SUMF1: variants seen among roughly 807,000 people sequenced by gnomAD.
SUMF1 encodes the protein sulfatase modifying factor 1.
In SUMF1, 48 loss-of-function variants were observed where a neutral mutation model predicts 47.6. The observed-to-expected ratio is 1.01, with a 90% CI of 0.80 to 1.28. SUMF1 has a LOEUF of 1.28. SUMF1 is among the 50% of genes most tolerant of loss of function. The pLI, the probability that SUMF1 is intolerant of heterozygous loss-of-function variation, is 0.00. For synonymous variants in SUMF1, 230 were observed against 192.1 expected, an observed-to-expected ratio of 1.20 and a Z score of -1.63; for missense variants, 571 against 485.4, an observed-to-expected ratio of 1.18 and a Z score of -1.66.
chr3:4,236,401 G>A (rs533273247), intron 8 of SUMF1, among the ~76,000 whole-genome samples: 1 of 152,150 alleles, frequency 6.6e-6, no homozygotes, highest in South Asian at 2.1e-4. Context: ...AATGGTCAAA[G>A]ATAAATGCTT....
At chr3:4,414,792 G>C (rs1239997976) in intron 6 of SUMF1, 1 of 152,186 alleles carries the variant, frequency 6.6e-6, no homozygotes, top group Non-Finnish European at 1.5e-5. Context: ...TTTTAGAAGA[G>C]TAAATGGCTC....
intron 8 of SUMF1, among the ~76,000 whole-genome samples, chr3:4,298,046 AT>A (rs555232406): frequency 6.2e-4 from 95 of 152,246 alleles, no homozygotes; most frequent in Non-Finnish European, 1.2e-3. Flanking sequence ...TTTTCTTTTT[AT>A]TTTTTTATTA....
At chr3:4,424,249 A>ACACAC (rs1246958352) in intron 3 of SUMF1, among the ~76,000 whole-genome samples, 3 of 152,114 alleles carry the variant, frequency 2.0e-5, no homozygotes, top group Non-Finnish European at 4.4e-5. Context: ...CCTCTGCTAT[A>ACACAC]CACACACCTA....
At chr3:4,418,175 A>T (rs1487164890) in intron 4 of SUMF1, 43 bp from the exon 5 acceptor site, 1 of 1,613,216 alleles carries the variant, frequency 6.2e-7, no homozygotes, top group Non-Finnish European at 8.5e-7. Flanking sequence ...CACCAATCAG[A>T]ACAAGAAGCA....
rs558896151 is a variant in SUMF1 at position 4,166,748 on chromosome 3, G to C, written c.1015-98003C>G. ...TTTAAGAGTTCCACTTATGGCTGCA[G>C]GGCCAACCAACTTTTTTTCGGGACC... On this transcript the variant is annotated intron_variant and NMD_transcript_variant, in intron 8 of 12. Transcript: ENST00000448413. Among the ~76,000 whole-genome samples, 12 of 152,242 alleles carry C rather than the reference G, an allele frequency of 7.9e-5. No homozygotes were observed. The South Asian group carries it at 2.5e-3, about 32-fold the overall frequency.
intron 3 of SUMF1, among the ~76,000 whole-genome samples, chr3:4,429,440 C>T (rs1056544834): frequency 1.3e-5 from 2 of 152,108 alleles, no homozygotes; most frequent in Admixed American, 1.3e-4. Context: ...TTTTTTCACG[C>T]CTTACAAGCT....
At chr3:4,081,510 T>A (rs1692559047) in intron 8 of SUMF1, among the ~76,000 whole-genome samples, 1 of 152,152 alleles carries the variant, frequency 6.6e-6, no homozygotes, top group Admixed American at 6.5e-5. Flanking sequence ...ATAAGCTGAT[T>A]GTCAGTTATT....
chr3:4,208,415 C>T (rs1192209144), intron 8 of SUMF1, among the ~76,000 whole-genome samples: 1 of 150,816 alleles, frequency 6.6e-6, no homozygotes, highest in Non-Finnish European at 1.5e-5. Flanking sequence ...GTTCCAGTTA[C>T]CCAGTATATC....
At chr3:4,405,214 T>C (rs1701337543) in intron 7 of SUMF1, among the ~76,000 whole-genome samples, 1 of 152,138 alleles carries the variant, frequency 6.6e-6, no homozygotes, top group South Asian at 2.1e-4. Context: ...AAGTGTGGCA[T>C]CTGCAAGCAT....
rs796241078 is a variant in SUMF1, at chr3:4,255,049, C to T, written c.1014+121281G>A. Among the ~76,000 whole-genome samples, 248 of 150,302 alleles carry T rather than the reference C, an allele frequency of 1.7e-3. 5 individuals carry two copies. In the South Asian group the frequency reaches 0.051, roughly 31 times the overall value. On this transcript the variant is annotated intron_variant and NMD_transcript_variant, in intron 8 of 12. Coordinates refer to the SUMF1 transcript ENST00000448413. ...AGTGAAGGAGAAATAAAATCCTTTACAGACAAGCAAATGCTGAGAGATTTT... is the reference window on the plus strand; with the variant it reads ...AGTGAAGGAGAAATAAAATCCTTTATAGACAAGCAAATGCTGAGAGATTTT...
intron 9 of SUMF1, among the ~76,000 whole-genome samples, chr3:4,065,491 A>C (rs1695354985): frequency 2.6e-5 from 4 of 152,176 alleles, no homozygotes; most frequent in Admixed American, 2.6e-4. Flanking sequence ...TATTTTTAAA[A>C]ATAATACTTT....
In SUMF1 at chr3:4,428,968, C is replaced by T. The variant is rs1440209704; in HGVS notation, c.520-8822G>A. On this transcript the variant is annotated intron_variant, in intron 3 of 8. Transcript: ENST00000272902. ...TTTTATCTGAACTTCATAACGATCA[C>T]TTTCAGTGGCTACCAATATTTTTGT... Among the ~76,000 whole-genome samples, 4 of 152,178 alleles carry T rather than the reference C, an allele frequency of 2.6e-5. No homozygotes were observed. In the South Asian group the frequency reaches 6.2e-4, roughly 24 times the overall value.
chr3:4,061,269 G>C (rs1260461396), intron 9 of SUMF1, among the ~76,000 whole-genome samples: 1 of 152,056 alleles, frequency 6.6e-6, no homozygotes, highest in Admixed American at 6.6e-5. Flanking sequence ...AGTTAGAATT[G>C]TCTTATTTGA....
intron 8 of SUMF1, among the ~76,000 whole-genome samples, chr3:4,131,434 CA>C (rs1693786164): frequency 6.6e-6 from 1 of 152,136 alleles, no homozygotes; most frequent in Admixed American, 6.6e-5. Context: ...GCACAATATG[CA>C]AGCACCACCC....
At position 4,346,770 on chromosome 3, in the gene SUMF1, AAGAT is replaced by A. The variant is rs199945439; in HGVS notation, c.1014+29556_1014+29559del. Among the ~76,000 whole-genome samples, 745 of 152,222 alleles carry A rather than the reference AAGAT, an allele frequency of 4.9e-3. 7 individuals are homozygous for A. The highest frequency in any genetic ancestry group is 0.017 in the African/African-American group (705 of 41,552). On this transcript the variant is annotated intron_variant and NMD_transcript_variant, in intron 8 of 12. Transcript: ENST00000448413. ...CTGGTTTTTTGAAAAAATTAATAGA[AAGAT>A]AGACCGCTAGCTAGGCTAATAAAGA...
At chr3:4,088,467 T>G (rs1442110466) in intron 8 of SUMF1, among the ~76,000 whole-genome samples, 3 of 152,092 alleles carry the variant, frequency 2.0e-5, no homozygotes, top group Admixed American at 2.0e-4. Flanking sequence ...AGCAAGGCCT[T>G]CAAGAGCCAT....
At chr3:4,251,716 T>C (rs1185726503) in intron 8 of SUMF1, among the ~76,000 whole-genome samples, 2 of 152,226 alleles carry the variant, frequency 1.3e-5, no homozygotes, top group Non-Finnish European at 2.9e-5. Flanking sequence ...AGCATCTTCT[T>C]CTATTATAAG....
At chr3:4,317,911 C>A (rs1394602964) in intron 8 of SUMF1, among the ~76,000 whole-genome samples, 2 of 152,150 alleles carry the variant, frequency 1.3e-5, no homozygotes, top group Non-Finnish European at 2.9e-5. Flanking sequence ...GTTCTCCCTT[C>A]TATTCAGGTG....
chr3:4,063,417 A>C (rs1000086079), intron 9 of SUMF1, among the ~76,000 whole-genome samples: 8 of 152,048 alleles, frequency 5.3e-5, no homozygotes, highest in African/African-American at 1.9e-4. Context: ...ACAGAGCCAA[A>C]TTCTACCTCA....
Sources: gnomAD v4.1 joint callset for allele counts (sites outside exome capture counted in the v4.1 genomes callset) on GRCh38, gnomAD v4.1.1 for gene constraint, MANE v1.5 for transcripts, NCBI Gene and HGNC (gene_info 2026-07-23, HGNC 2026-07-21) for gene names.